Variants in NRIP3 observed in about 807,000 individuals in gnomAD.
NRIP3 encodes nuclear receptor interacting protein 3.
NRIP3 carries 31 observed loss-of-function variants against 29.0 expected under a neutral mutation model. That is an observed-to-expected ratio of 1.07 (90% CI 0.80 to 1.44). The LOEUF (loss-of-function observed/expected upper bound fraction) is 1.44. Ranked by LOEUF, NRIP3 falls within the 40% of genes most tolerant of loss-of-function variation. The pLI is 0.00. For synonymous variants in NRIP3, 131 were observed against 118.3 expected (o/e 1.11, Z -0.70); for missense variants, 314 against 297.9 (o/e 1.05, Z -0.40).
chr11:8,993,808 C>CAA (rs35171191), intron 1 of NRIP3, among the ~76,000 whole-genome samples: 4 of 92,228 alleles, frequency 4.3e-5, no homozygotes, highest in African/African-American at 1.2e-4. Flanking sequence ...GACCCTGCCT[C>CAA]AAAAAAAAAA....
chr11:9,001,536 G>A (rs2134932896), intron 1 of NRIP3, among the ~76,000 whole-genome samples: 1 of 152,182 alleles, frequency 6.6e-6, no homozygotes, highest in East Asian at 1.9e-4. Context: ...CTTCTATCGA[G>A]ATTATACTAT....
intron 1 of NRIP3, among the ~76,000 whole-genome samples, chr11:8,999,350 A>C (rs10840158): frequency 0.54 from 82,548 of 151,792 alleles, 22,622 homozygotes; most frequent in South Asian, 0.74. Context: ...GGTACCATCA[A>C]CTCTCACTTC....
intron 1 of NRIP3, among the ~76,000 whole-genome samples, chr11:8,992,862 A>G (rs1171664848): frequency 1.3e-5 from 2 of 151,950 alleles, no homozygotes; most frequent in African/African-American, 4.8e-5. Context: ...CATTGAGCTG[A>G]GATTGTGCCA....
Position 8,983,174 on chromosome 11 carries a change from A to G in NRIP3, c.*371T>C, listed in dbSNP as rs1178285758. On this transcript the variant is annotated 3_prime_UTR_variant, in exon 7 of 7. Transcript: ENST00000309166. The stretch of plus-strand genomic sequence containing the variant: ...AAGGTCAGGTTCCTGTTTATTATAC[A>G]TTTAGCTATAGGAAAAGAAGCACAT... 1 of 398,816 alleles carries G rather than the reference A, an allele frequency of 2.5e-6. No homozygotes were observed. Among genetic ancestry groups the G allele is most frequent in the Non-Finnish European group, 4.7e-6 (1 of 214,042 alleles). The allele number at this position is 398,816 out of a possible 1,614,324, so 24.7% of individuals were successfully genotyped here. A position where few individuals can be genotyped will look rare whatever the true frequency, so the allele number is the denominator to read the frequency against.
At chr11:9,001,623 C>A (rs1312129625) in intron 1 of NRIP3, among the ~76,000 whole-genome samples, 1 of 152,196 alleles carries the variant, frequency 6.6e-6, no homozygotes, top group African/African-American at 2.4e-5. Context: ...AAAATTGAGT[C>A]AACACTGGTC....
At chr11:8,991,106 T>C (rs1021717169) in intron 1 of NRIP3, among the ~76,000 whole-genome samples, 2 of 151,982 alleles carry the variant, frequency 1.3e-5, no homozygotes, top group Non-Finnish European at 2.9e-5. Context: ...TGGAGACCAT[T>C]CTGGCTAACA....
intron 1 of NRIP3, 64 bp from the exon 2 acceptor site, chr11:8,988,346 C>G (rs1349725689): frequency 7.3e-7 from 1 of 1,364,540 alleles, no homozygotes; most frequent in African/African-American, 1.5e-5. Flanking sequence ...CATTGTCCCC[C>G]AGGTGCCATA....
Position 8,984,144 on chromosome 11 carries a change from G to A in NRIP3, c.563-20C>T, listed in dbSNP as rs367683914. 6.3e-7 allele frequency: 1 copy of A among 1,580,084 alleles called. No individual in the cohort carries two copies. ...TGTCATCTAATAAAAACAAAAAAAT[G>A]ATTAAGATTTAGCCATTTCCATGCT... On this transcript the variant is annotated intron_variant, in intron 4 of 6. Coordinates refer to ENST00000309166, the MANE Select transcript of NRIP3 (RefSeq NM_020645.3).
rs1854406848 is a variant in NRIP3, at chr11:8,981,075, C to T, written c.*2470G>A. On this transcript the variant is annotated 3_prime_UTR_variant, in exon 7 of 7. Coordinates refer to ENST00000309166, the MANE Select transcript of NRIP3 (RefSeq NM_020645.3). ...GGACTCCTGGGAAAAACTGACCTCA[C>T]CTTCTTACCTTCTCAGCCCCCAAAA... 6.6e-6 allele frequency: 1 copy of T among 152,194 alleles called. No homozygotes were observed. Among genetic ancestry groups the T allele is most frequent in the Admixed American group, 6.5e-5 (1 of 15,274 alleles). 9.4% of individuals were successfully genotyped at this position (152,194 alleles called of 1,614,324 possible).
intron 1 of NRIP3, among the ~76,000 whole-genome samples, chr11:8,988,702 G>T (rs1025222291): frequency 4.6e-5 from 7 of 152,250 alleles, no homozygotes; most frequent in Admixed American, 4.6e-4. Context: ...TTATAGAAAG[G>T]GCAGCTCATT....
At chr11:8,996,428 G>A (rs535275507) in intron 1 of NRIP3, among the ~76,000 whole-genome samples, 58 of 151,908 alleles carry the variant, frequency 3.8e-4, no homozygotes, top group African/African-American at 8.2e-4. Flanking sequence ...CTACAGGTGC[G>A]TAGCAGCACA....
intron 1 of NRIP3, among the ~76,000 whole-genome samples, chr11:8,998,783 C>CTTTT (rs1589964922): frequency 8.5e-6 from 1 of 117,936 alleles, no homozygotes; most frequent in South Asian, 3.2e-4. Context: ...TCAAACTCTT[C>CTTTT]ATTTTTTTTT....
chr11:9,001,104 T>C (rs1176049899), intron 1 of NRIP3, among the ~76,000 whole-genome samples: 1 of 152,054 alleles, frequency 6.6e-6, no homozygotes, highest in African/African-American at 2.4e-5. Context: ...CTCACTCATA[T>C]CTCTGGTTTT....
At chr11:9,004,104 G>A (rs1245753029), upstream of NRIP3, 10 of 521,042 alleles carry the variant, frequency 1.9e-5, no homozygotes, top group Non-Finnish European at 3.0e-5. Flanking sequence ...TCCACGCCCC[G>A]CGCGGCTCCC....
chr11:9,003,725 CGCCGGG>C lies in NRIP3; in HGVS notation c.174+31_174+36del, dbSNP rs1452791642. The stretch of plus-strand genomic sequence containing the variant: ...CCTCGGAAAACGGCGGGCGCGAAGC[CGCCGGG>C]GCCGGGGCGAGAACGGCGGCGGGGG... On this transcript the variant is annotated intron_variant, in intron 1 of 6. Coordinates refer to ENST00000309166, the MANE Select transcript of NRIP3 (RefSeq NM_020645.3). 7.3e-6 allele frequency: 10 copies of C among 1,371,072 alleles called. No individual in the cohort carries two copies. The East Asian group carries it at 2.2e-4, about 30-fold the overall frequency. 84.9% of individuals were successfully genotyped at this position (1,371,072 alleles called of 1,614,324 possible). A position where few individuals can be genotyped will look rare whatever the true frequency, so the allele number is the denominator to read the frequency against.
intron 1 of NRIP3, among the ~76,000 whole-genome samples, chr11:8,993,668 G>C (rs1412800765): frequency 2.0e-5 from 3 of 151,958 alleles, no homozygotes; most frequent in East Asian, 3.9e-4. Context: ...AATTAGCCAG[G>C]CATGGTAGTG....
chr11:8,987,722 C>G (rs1019011079), intron 2 of NRIP3, 92 bp from the exon 3 acceptor site: 1 of 988,170 alleles, frequency 1.0e-6, no homozygotes, highest in Non-Finnish European at 1.6e-6. Context: ...ATATGAAAGG[C>G]AGGGTTGGAG....
At chr11:8,989,151 C>T (rs1461869327) in intron 1 of NRIP3, among the ~76,000 whole-genome samples, 2 of 152,218 alleles carry the variant, frequency 1.3e-5, no homozygotes, top group African/African-American at 4.8e-5. Context: ...TAAGTCTACA[C>T]TTTGATAGAG....
chr11:9,004,168 G>A (rs989966753), upstream of NRIP3: 3 of 367,736 alleles, frequency 8.2e-6, no homozygotes, highest in African/African-American at 4.2e-5. Flanking sequence ...GGCAAAGCCG[G>A]CGAGGAGGCG....
Sources: gnomAD v4.1 joint callset for allele counts (sites outside exome capture counted in the v4.1 genomes callset) on GRCh38, gnomAD v4.1.1 for gene constraint, MANE v1.5 for transcripts, NCBI Gene and HGNC (gene_info 2026-07-23, HGNC 2026-07-21) for gene names.